PLXNA4: variants seen among roughly 807,000 people sequenced by gnomAD.
PLXNA4 encodes plexin A4.
PLXNA4 carries 44 observed loss-of-function variants against 191.8 expected under a neutral mutation model. The ratio of observed to expected loss-of-function variants is 0.23; its 90% CI spans 0.18 to 0.29. The LOEUF is 0.29. PLXNA4 is among the 10% of genes least tolerant of loss of function. The pLI, the probability that PLXNA4 is intolerant of heterozygous loss-of-function variation, is 1.00. For synonymous variants in PLXNA4, 1,082 were observed against 1,009.5 expected (o/e 1.07, Z -1.36); for missense variants, 1,800 against 2,488.8 (o/e 0.72, Z 5.89).
At chr7:132,577,123 T>G (rs866121720), upstream of PLXNA4, 5,327 of 145,522 alleles carry the variant, frequency 0.037, 211 homozygotes, top group African/African-American at 0.096. Flanking sequence ...CGGTGGTGGC[T>G]GCGGCGGCTG....
At chr7:132,555,152 T>G (rs534725795) in intron 1 of PLXNA4, among the ~76,000 whole-genome samples, 4 of 152,102 alleles carry the variant, frequency 2.6e-5, no homozygotes, top group Admixed American at 6.5e-5. Context: ...TATGTTTACA[T>G]GTGGATGGCT....
At chr7:132,416,178 T>C (rs1719593497) in intron 3 of PLXNA4, among the ~76,000 whole-genome samples, 1 of 152,212 alleles carries the variant, frequency 6.6e-6, no homozygotes, top group Non-Finnish European at 1.5e-5. Context: ...GGCTAGATGA[T>C]GGCAAATAGA....
intron 3 of PLXNA4, among the ~76,000 whole-genome samples, chr7:132,328,190 G>A (rs1192113934): frequency 6.6e-6 from 1 of 152,156 alleles, no homozygotes; most frequent in Admixed American, 6.5e-5. Context: ...TCTTCCTCCT[G>A]ACAGATCCAT....
chr7:132,189,919 C>T (rs1405808263), intron 14 of PLXNA4, among the ~76,000 whole-genome samples: 1 of 102,792 alleles, frequency 9.7e-6, no homozygotes, highest in African/African-American at 9.2e-5. Context: ...TATCTCCTTC[C>T]TAAAGTCTTC....
chr7:132,347,347 C>T (rs766615541), intron 3 of PLXNA4, among the ~76,000 whole-genome samples: 29 of 152,302 alleles, frequency 1.9e-4, no homozygotes, highest in Admixed American at 5.2e-4. Context: ...GCCAAGGCCA[C>T]TTTCATCACC....
At chr7:132,633,754 T>C (rs1563199895) in intron 2 of PLXNA4, among the ~76,000 whole-genome samples, 3 of 152,204 alleles carry the variant, frequency 2.0e-5, no homozygotes, top group African/African-American at 2.4e-5. Flanking sequence ...ATCATCTCTT[T>C]GTTGGACCAC....
chr7:132,198,439 G>A (rs537108255), intron 13 of PLXNA4, 46 bp downstream of exon 13: 51 of 1,596,320 alleles, frequency 3.2e-5, no homozygotes, highest in African/African-American at 2.9e-4. Context: ...ATACTAACCC[G>A]TCTTCCCTCC....
At chr7:132,512,208 T>A (rs1798743412) in intron 1 of PLXNA4, among the ~76,000 whole-genome samples, 1 of 152,236 alleles carries the variant, frequency 6.6e-6, no homozygotes, top group African/African-American at 2.4e-5. Flanking sequence ...AGGAGAGAAC[T>A]TCGCACAGTC....
chr7:132,533,190 GCTT>G (rs1160118014), intron 1 of PLXNA4, among the ~76,000 whole-genome samples: 2 of 152,158 alleles, frequency 1.3e-5, no homozygotes, highest in Non-Finnish European at 2.9e-5. Context: ...GTGAAGATAT[GCTT>G]CTTATTTTCA....
intron 3 of PLXNA4, among the ~76,000 whole-genome samples, chr7:132,396,802 G>A (rs574563001): frequency 5.5e-4 from 84 of 152,396 alleles, no homozygotes; most frequent in Middle Eastern, 3.4e-3. Context: ...AGCAGGGCCA[G>A]ACTTTGAACC....
chr7:132,516,622 G>A (rs1798951848), intron 1 of PLXNA4, among the ~76,000 whole-genome samples: 1 of 152,212 alleles, frequency 6.6e-6, no homozygotes, highest in Non-Finnish European at 1.5e-5. Context: ...CACATGATGA[G>A]TTCTGGGCTG....
intron 3 of PLXNA4, among the ~76,000 whole-genome samples, chr7:132,456,126 T>C (rs1314730872): frequency 6.6e-6 from 1 of 150,638 alleles, no homozygotes; most frequent in Non-Finnish European, 1.5e-5. Flanking sequence ...TTTTTTTTTT[T>C]TTTGGAGATG....
At position 132,626,038 on chromosome 7, in the gene PLXNA4, A is replaced by C. The variant is rs912284373; in HGVS notation, c.-87+19890T>G. Among the ~76,000 whole-genome samples, 4 of 152,176 alleles carry C rather than the reference A, an allele frequency of 2.6e-5. No individual in the cohort carries two copies. In the South Asian group the frequency reaches 8.3e-4, roughly 31 times the overall value. On this transcript the variant is annotated intron_variant, in intron 2 of 4. Coordinates refer to the PLXNA4 transcript ENST00000378539. ...TCTCTATTCAGTTTATCCCAAACTG[A>C]ATTCATCACCCTTACCCTTATACAG...
At position 132,576,301 on chromosome 7, in the gene PLXNA4, GT is replaced by G. The variant is rs1157401830; in HGVS notation, c.-87+120del. On this transcript the variant is annotated intron_variant, in intron 1 of 31. Transcript: ENST00000321063. This position sits in a 1 kb window ranked among gnomAD's most constrained non-coding sequence, Gnocchi z 5.8. ...TCTGTGTGTGTGCCTGCGTGTGTGC[GT>G]GTGCGTGTGCCGCGGGCTGGCTCCG... 1 of 716,548 alleles carries G rather than the reference GT, an allele frequency of 1.4e-6. No individual in the cohort carries two copies. Among genetic ancestry groups the G allele is most frequent in the East Asian group, 1.3e-4 (1 of 7,428 alleles). 44.4% of individuals were successfully genotyped at this position (716,548 alleles called of 1,614,324 possible). A position where few individuals can be genotyped will look rare whatever the true frequency, so the allele number is the denominator to read the frequency against.
intron 8 of PLXNA4, among the ~76,000 whole-genome samples, chr7:132,224,692 C>G (rs770462963): frequency 6.6e-6 from 1 of 152,174 alleles, no homozygotes; most frequent in Admixed American, 6.5e-5. Context: ...AGGGATTAGG[C>G]CACCGAGTGG....
At chr7:132,402,374 G>C (rs1360656542) in intron 3 of PLXNA4, among the ~76,000 whole-genome samples, 3 of 152,154 alleles carry the variant, frequency 2.0e-5, no homozygotes, top group African/African-American at 7.2e-5. Flanking sequence ...CTAACATGAG[G>C]AAGCCACCCT....
chr7:132,357,797 G>A (rs547689200), intron 3 of PLXNA4, among the ~76,000 whole-genome samples: 1 of 152,294 alleles, frequency 6.6e-6, no homozygotes, highest in Admixed American at 6.5e-5. Context: ...GCAGTGTTTG[G>A]AAATTGCATT....
intron 28 of PLXNA4, 21 bp downstream of exon 28, chr7:132,146,489 C>A (rs781303129): frequency 1.4e-5 from 23 of 1,614,004 alleles, no homozygotes; most frequent in Admixed American, 6.7e-5. Context: ...GCTCCCTGCA[C>A]CCAGTTCTCA....
In PLXNA4 at chr7:132,508,322, C is replaced by A. The variant is rs776971734; in HGVS notation, c.372G>T (p.Glu124Asp). The change falls in exon 2 of 32, where the codon GAG (glutamate) becomes GAT (aspartate). Residue 124 changes from glutamate to aspartate, a missense_variant. By Grantham distance (45) the Glu-to-Asp change is conservative. This residue lies in a region of PLXNA4 where 1,397 missense variants were observed against 1,880.4 expected (regional missense o/e 0.74). Transcript: ENST00000321063. This position sits in a 1 kb window ranked among gnomAD's most constrained non-coding sequence, Gnocchi z 4.4. ...GGCTCCCACAGGCAATCAGCCTGTT[C>A]TCCTTGTAGTCTATGAGGAGCATCT... ...VNKMLLIDYK[E>D]NRLIACGSLY... The A allele has an allele frequency of 6.2e-7, 1 of 1,614,070 alleles. No individual in the cohort carries two copies. Among genetic ancestry groups the A allele is most frequent in the African/African-American group, 1.3e-5 (1 of 74,938 alleles).
Sources: gnomAD v4.1 joint callset for allele counts (sites outside exome capture counted in the v4.1 genomes callset) on GRCh38, gnomAD v4.1.1 for gene constraint, gnomAD v4.1.1 regional missense constraint, Gnocchi (gnomAD v3.1) non-coding constraint, MANE v1.5 for transcripts, NCBI Gene and HGNC (gene_info 2026-07-23, HGNC 2026-07-21) for gene names.